NPSR1: variants seen among roughly 807,000 people sequenced by gnomAD.
NPSR1 encodes neuropeptide S receptor.
A neutral mutation model predicts 46.9 loss-of-function variants in NPSR1; 48 were observed. That is an observed-to-expected ratio of 1.02 (90% confidence interval 0.81 to 1.30). The LOEUF (loss-of-function observed/expected upper bound fraction) is 1.30, where lower values mean the gene tolerates loss of function less well. NPSR1 is among the 50% of genes most tolerant of loss of function. The pLI, the probability that NPSR1 is intolerant of heterozygous loss-of-function variation, is 0.00. For synonymous variants in NPSR1, 176 were observed against 168.1 expected (o/e 1.05, Z -0.36); for missense variants, 450 against 449.5 (o/e 1.00, Z -0.01).
intron 1 of NPSR1, among the ~76,000 whole-genome samples, chr7:34,677,093 G>T (rs1258324967): frequency 1.3e-5 from 2 of 152,188 alleles, no homozygotes; most frequent in African/African-American, 4.8e-5. Context: ...TCAAACCAGG[G>T]TGATTTGATA....
At chr7:34,768,941 C>G (rs1183824419) in intron 2 of NPSR1, among the ~76,000 whole-genome samples, 1 of 152,020 alleles carries the variant, frequency 6.6e-6, no homozygotes, top group African/African-American at 2.4e-5. Flanking sequence ...TTGGGTGTCC[C>G]TAGCAGACAG....
chr7:34,823,795 G>GA (rs968727790), intron 4 of NPSR1, among the ~76,000 whole-genome samples: 6 of 152,112 alleles, frequency 3.9e-5, no homozygotes, highest in South Asian at 2.1e-4. Context: ...ATAACCACCG[G>GA]AAAAAATGTT....
intron 2 of NPSR1, among the ~76,000 whole-genome samples, chr7:34,736,414 T>G (rs1171041529): frequency 1.3e-5 from 2 of 152,100 alleles, no homozygotes; most frequent in South Asian, 4.2e-4. Flanking sequence ...ATAAGTCTCT[T>G]TTGCACATCC....
At chr7:34,834,597 C>T in intron 6 of NPSR1, 137 bp downstream of exon 6, 1 of 669,684 alleles carries the variant, frequency 1.5e-6, no homozygotes, top group South Asian at 1.8e-5. Context: ...CAGACCAGAC[C>T]CACCAAAGGC....
At chr7:34,857,312 T>C (rs1385284746) in intron 8 of NPSR1, among the ~76,000 whole-genome samples, 1 of 151,638 alleles carries the variant, frequency 6.6e-6, no homozygotes, top group Non-Finnish European at 1.5e-5. Context: ...CACGACACTG[T>C]TGACTAAAAA....
chr7:34,779,605 T>G (rs1787137634), intron 3 of NPSR1: 1 of 1,275,430 alleles, frequency 7.8e-7, no homozygotes, highest in East Asian at 3.1e-5. Context: ...AATCTTCTTT[T>G]GTGCTCTGAA....
chr7:34,670,040 A>G (rs919990109), intron 1 of NPSR1, among the ~76,000 whole-genome samples: 1 of 152,226 alleles, frequency 6.6e-6, no homozygotes, highest in Admixed American at 6.5e-5. Context: ...GAAGATGTCA[A>G]TTCTCCCCAA....
In NPSR1 at chr7:34,834,480, G is replaced by A. The variant is rs1009052478; in HGVS notation, c.757+20G>A. 8 of 1,564,098 alleles carry A rather than the reference G, an allele frequency of 5.1e-6. No homozygotes were observed. The highest frequency in any genetic ancestry group is 1.1e-5 in the South Asian group (1 of 89,774). ...GCTCAGGTAAGTCTCTACTCTGCAT[G>A]GCCCAATTCTTGGCTAATTTGCTTC... On this transcript the variant is annotated intron_variant, in intron 6 of 8. Coordinates refer to ENST00000360581, the MANE Select transcript of NPSR1 (RefSeq NM_207172.2).
chr7:34,823,374 T>C (rs1026812590), intron 4 of NPSR1, among the ~76,000 whole-genome samples: 4 of 126,146 alleles, frequency 3.2e-5, no homozygotes, highest in South Asian at 2.5e-4. Flanking sequence ...CCCTCTAGCA[T>C]TGGCAACAGA....
At chr7:34,858,902 C>T in intron 8 of NPSR1, among the ~76,000 whole-genome samples, 1 of 151,696 alleles carries the variant, frequency 6.6e-6, no homozygotes, top group Non-Finnish European at 1.5e-5. Context: ...AGTGACAAAA[C>T]TCTAAAGCAA....
chr7:34,864,783 A>C (rs1791270876), intron 8 of NPSR1, among the ~76,000 whole-genome samples: 1 of 151,872 alleles, frequency 6.6e-6, no homozygotes, highest in Non-Finnish European at 1.5e-5. Flanking sequence ...TATTACTAAC[A>C]AATGTGACTT....
chr7:34,810,725 G>C lies in NPSR1; in HGVS notation c.385-1045G>C, dbSNP rs541198379. On this transcript the variant is annotated intron_variant, in intron 3 of 8. Coordinates refer to ENST00000360581, the MANE Select transcript of NPSR1 (RefSeq NM_207172.2). ...CTTTAAAAGTCAATTCCAAACAAAT[G>C]TACCATGCAAATGTCAAGGACTGAT... 2.0e-5 allele frequency among the ~76,000 whole-genome samples: 3 copies of C among 152,330 alleles called. No homozygotes were observed. The South Asian group carries it at 6.2e-4, about 32-fold the overall frequency.
intron 2 of NPSR1, among the ~76,000 whole-genome samples, chr7:34,687,297 T>C (rs889103000): frequency 6.6e-6 from 1 of 152,180 alleles, no homozygotes; most frequent in Non-Finnish European, 1.5e-5. Flanking sequence ...TTCTAAATTG[T>C]ATAAAACCAT....
intron 2 of NPSR1, among the ~76,000 whole-genome samples, chr7:34,697,489 C>T (rs1042442098): frequency 6.6e-6 from 1 of 151,728 alleles, no homozygotes; most frequent in Non-Finnish European, 1.5e-5. Flanking sequence ...GAATCCCCTG[C>T]CAATACAAAA....
chr7:34,786,707 T>A (rs1787481835), intron 3 of NPSR1, among the ~76,000 whole-genome samples: 1 of 152,164 alleles, frequency 6.6e-6, no homozygotes, highest in Non-Finnish European at 1.5e-5. Context: ...TTAGCAGAAA[T>A]GAAGACAAGT....
At chr7:34,814,474 A>T (rs756429636) in intron 4 of NPSR1, among the ~76,000 whole-genome samples, 2 of 152,274 alleles carry the variant, frequency 1.3e-5, no homozygotes, top group Non-Finnish European at 2.9e-5. Context: ...ACATAGCTGA[A>T]CAAAAGGCAG....
intron 4 of NPSR1, among the ~76,000 whole-genome samples, chr7:34,815,934 A>C (rs1584085532): frequency 6.6e-6 from 1 of 152,240 alleles, no homozygotes; most frequent in South Asian, 2.1e-4. Context: ...TATGGAAAGG[A>C]ACAACCAGTA....
intron 3 of NPSR1, among the ~76,000 whole-genome samples, chr7:34,797,443 A>G (rs527546515): frequency 6.6e-6 from 1 of 152,256 alleles, no homozygotes; most frequent in African/African-American, 2.4e-5. Context: ...GGTTTATGGG[A>G]AATCTGTAAC....
Position 34,848,609 on chromosome 7 carries a change from C to G in NPSR1, c.971C>G (p.Ala324Gly). Residue 324 changes from alanine (A) to glycine (G), a missense_variant, in exon 8 of 9, where the codon GCC (alanine) becomes GGC (glycine). By Grantham distance (60) the Ala-to-Gly change is moderately conservative (BLOSUM62 0). Coordinates refer to ENST00000360581, the MANE Select transcript of NPSR1 (RefSeq NM_207172.2). ...CAGAACCTGCCAGCATTGAATAGTGCCATCAACCCCCTCATCTACTGTGTC... is the reference window on the plus strand; with the variant it reads ...CAGAACCTGCCAGCATTGAATAGTGGCATCAACCCCCTCATCTACTGTGTC... ...IIQNLPALNSAINPLIYCVFS... is the reference protein window; with the variant it reads ...IIQNLPALNSGINPLIYCVFS... The G allele has an allele frequency of 6.2e-7, 1 of 1,614,180 alleles. No homozygotes were observed. Among genetic ancestry groups the G allele is most frequent in the Non-Finnish European group, 8.5e-7 (1 of 1,180,032 alleles).
Sources: allele counts gnomAD v4.1 joint callset (sites outside exome capture counted in the v4.1 genomes callset), GRCh38; gene constraint gnomAD v4.1.1; transcripts MANE v1.5; gene names NCBI Gene and HGNC (gene_info 2026-07-23, HGNC 2026-07-21).